EEFSEC: variants seen among roughly 807,000 people sequenced by gnomAD.
EEFSEC encodes the protein selenocysteine-specific elongation factor.
A neutral mutation model predicts 42.1 loss-of-function variants in EEFSEC; 43 were observed. That is an observed-to-expected ratio of 1.02 (90% CI 0.80 to 1.32). The LOEUF (loss-of-function observed/expected upper bound fraction) is 1.32. Among genes scored for constraint, EEFSEC ranks in the 40% most tolerant of loss-of-function variants. EEFSEC has a pLI of 0.00. For missense variants in EEFSEC, 745 were observed against 803.6 expected, an observed-to-expected ratio of 0.93 and a Z score of 0.88; for synonymous variants, 354 against 339.1, an observed-to-expected ratio of 1.04 and a Z score of -0.48.
rs780235266 is a variant in EEFSEC, at chr3:128,165,988, G to A, written c.316+12165G>A. ...TTCCAGGTGAGTTTCAGGATCTTTC[G>A]CCATGAACAGTAAAGGCCCTCGGGT... On this transcript the variant is annotated intron_variant, in intron 1 of 6. Coordinates refer to ENST00000254730, the MANE Select transcript of EEFSEC (RefSeq NM_021937.5). Among the ~76,000 whole-genome samples, 9 of 152,278 alleles carry A rather than the reference G, an allele frequency of 5.9e-5. No homozygotes were observed. In the South Asian group the frequency reaches 6.2e-4, roughly 11 times the overall value.
At chr3:128,185,885 A>G (rs961856933) in intron 1 of EEFSEC, among the ~76,000 whole-genome samples, 1 of 152,182 alleles carries the variant, frequency 6.6e-6, no homozygotes, top group African/African-American at 2.4e-5. Context: ...ATTATTATGA[A>G]TAATGCTACC....
chr3:128,334,096 A>T (rs542170815), intron 4 of EEFSEC, among the ~76,000 whole-genome samples: 25 of 152,196 alleles, frequency 1.6e-4, no homozygotes, highest in Non-Finnish European at 3.1e-4. Context: ...GACCTTCCCC[A>T]GGGTAGCTGC....
At chr3:128,201,061 T>G (rs1427059399) in intron 1 of EEFSEC, among the ~76,000 whole-genome samples, 1 of 151,624 alleles carries the variant, frequency 6.6e-6, no homozygotes, top group Non-Finnish European at 1.5e-5. Flanking sequence ...TTTATTAGTA[T>G]TATTATTATG....
intron 6 of EEFSEC, among the ~76,000 whole-genome samples, chr3:128,363,301 G>A (rs548446166): frequency 5.3e-5 from 8 of 152,342 alleles, no homozygotes; most frequent in East Asian, 3.9e-4. Context: ...GGCACTCAGC[G>A]CAAGAAAGCC....
At chr3:128,203,293 G>C (rs1488630414) in intron 1 of EEFSEC, among the ~76,000 whole-genome samples, 2 of 152,196 alleles carry the variant, frequency 1.3e-5, no homozygotes, top group East Asian at 3.8e-4. Context: ...TCATGGCAAA[G>C]TCCAAGCCAT....
At chr3:128,155,784 C>G (rs547166747) in intron 1 of EEFSEC, among the ~76,000 whole-genome samples, 1 of 152,346 alleles carries the variant, frequency 6.6e-6, no homozygotes, top group South Asian at 2.1e-4. Flanking sequence ...TACCTCCCAA[C>G]TGTTTCATGT....
At chr3:128,403,883 G>A (rs1372852351) in intron 6 of EEFSEC, among the ~76,000 whole-genome samples, 2 of 152,216 alleles carry the variant, frequency 1.3e-5, no homozygotes, top group African/African-American at 4.8e-5. Flanking sequence ...CCACCCTTCT[G>A]CTGTCTGGAG....
intron 6 of EEFSEC, among the ~76,000 whole-genome samples, chr3:128,400,788 G>C (rs1268113353): frequency 1.3e-5 from 2 of 152,236 alleles, no homozygotes; most frequent in Admixed American, 6.5e-5. Context: ...CATGGCTAGG[G>C]CTTGGGAAAC....
intron 4 of EEFSEC, among the ~76,000 whole-genome samples, chr3:128,338,413 T>A (rs1292333237): frequency 6.6e-6 from 1 of 152,130 alleles, no homozygotes; most frequent in Non-Finnish European, 1.5e-5. Context: ...ATAATTTAAA[T>A]CTGTCGGCAC....
At chr3:128,167,659 G>A (rs902377419) in intron 1 of EEFSEC, among the ~76,000 whole-genome samples, 1 of 152,224 alleles carries the variant, frequency 6.6e-6, no homozygotes, top group East Asian at 1.9e-4. Context: ...GGAACACGGC[G>A]ACCTCAGTGC....
At chr3:128,420,208 C>T in the EEFSEC span, among the ~76,000 whole-genome samples, 1 of 152,242 alleles carries the variant, frequency 6.6e-6, no homozygotes, top group Non-Finnish European at 1.5e-5. Context: ...GCGCGTGGCT[C>T]CGCCTGCTTG....
At chr3:128,238,659 T>G (rs1311891760) in intron 1 of EEFSEC, among the ~76,000 whole-genome samples, 2 of 152,172 alleles carry the variant, frequency 1.3e-5, no homozygotes, top group Non-Finnish European at 2.9e-5. Flanking sequence ...CGGCTAATTT[T>G]TTGTATTTTA....
intron 1 of EEFSEC, among the ~76,000 whole-genome samples, chr3:128,224,803 A>G (rs1395656478): frequency 1.3e-5 from 2 of 152,192 alleles, no homozygotes; most frequent in East Asian, 1.9e-4. Context: ...TTCTTGAAAA[A>G]TGTTCTTCAA....
intron 4 of EEFSEC, among the ~76,000 whole-genome samples, chr3:128,281,939 C>A (rs1559901030): frequency 2.6e-5 from 4 of 152,184 alleles, no homozygotes; most frequent in Admixed American, 6.5e-5. Flanking sequence ...CAGACCTGAT[C>A]CTGCTTTGGC....
At chr3:128,201,005 G>T (rs1294773182) in intron 1 of EEFSEC, among the ~76,000 whole-genome samples, 2 of 152,102 alleles carry the variant, frequency 1.3e-5, no homozygotes, top group Admixed American at 1.3e-4. Flanking sequence ...ACTTGAGTTG[G>T]TCACAGTCCC....
In EEFSEC at chr3:128,252,164, C is replaced by T. The variant is rs180786866; in HGVS notation, c.524+5121C>T. ...TCTATTTCCTTCTGTCTGTTTTAGC[C>T]AGAGCCCTCTGTCTGGAGCCCACCA... On this transcript the variant is annotated intron_variant, in intron 2 of 6. Transcript: ENST00000254730. 3.3e-5 allele frequency among the ~76,000 whole-genome samples: 5 copies of T among 152,262 alleles called. No individual in the cohort carries two copies. The East Asian group carries it at 9.6e-4, about 29-fold the overall frequency.
chr3:128,258,267 C>A (rs1361719495), intron 2 of EEFSEC, among the ~76,000 whole-genome samples: 10 of 152,112 alleles, frequency 6.6e-5, no homozygotes, highest in Admixed American at 6.5e-4. Flanking sequence ...ACCATTGATG[C>A]CATCTTCCAG....
intron 2 of EEFSEC, 90 bp downstream of exon 2, chr3:128,247,133 G>A: frequency 1.5e-6 from 2 of 1,356,480 alleles, no homozygotes; most frequent in South Asian, 1.3e-5. Flanking sequence ...TGGACAGGCA[G>A]GTGTCAGCCT....
chr3:128,314,247 G>A (rs182671357), intron 4 of EEFSEC, among the ~76,000 whole-genome samples: 1 of 152,338 alleles, frequency 6.6e-6, no homozygotes, highest in East Asian at 1.9e-4. Flanking sequence ...GAGTTATCCA[G>A]AAAATGTTTA....
Sources: allele counts gnomAD v4.1 joint callset (sites outside exome capture counted in the v4.1 genomes callset), GRCh38; gene constraint gnomAD v4.1.1; transcripts MANE v1.5; gene names NCBI Gene and HGNC (gene_info 2026-07-23, HGNC 2026-07-21).